Variants in S100Z observed in about 807,000 individuals in gnomAD.
The protein encoded by S100Z is protein S100-Z.
S100Z carries 11 observed loss-of-function variants against 8.5 expected under a neutral mutation model. The ratio of observed to expected loss-of-function variants is 1.30; its 90% CI spans 0.82 to 2.15. The LOEUF (loss-of-function observed/expected upper bound fraction) is 2.15, where lower values mean the gene tolerates loss of function less well. S100Z is among the 30% of genes most tolerant of loss of function. The probability of loss-of-function intolerance (pLI) is 0.00; values close to 1 mark genes in which losing one functional copy is unlikely to be tolerated. For synonymous variants in S100Z, 34 were observed against 43.8 expected (o/e 0.78, Z 0.89); for missense variants, 126 against 117.9 (o/e 1.07, Z -0.32).
chr5:76,880,281 T>C (rs780792173), intron 4 of S100Z, among the ~76,000 whole-genome samples: 88 of 152,366 alleles, frequency 5.8e-4, no homozygotes, highest in Non-Finnish European at 1.1e-3. Context: ...TGGATGTATA[T>C]GTGCAGGTCA....
At chr5:76,908,335 G>C (rs565157820) in intron 4 of S100Z, among the ~76,000 whole-genome samples, 4 of 152,078 alleles carry the variant, frequency 2.6e-5, no homozygotes. Context: ...AAGTCATGTC[G>C]CCCAAGCAAG....
At chr5:76,911,383 C>T (rs564779100) in intron 4 of S100Z, among the ~76,000 whole-genome samples, 2 of 152,322 alleles carry the variant, frequency 1.3e-5, no homozygotes, top group East Asian at 1.9e-4. Flanking sequence ...ATAGCCTGCT[C>T]TCCCAAACAC....
At chr5:76,952,373 CAG>C in the S100Z span, among the ~76,000 whole-genome samples, 2 of 152,224 alleles carry the variant, frequency 1.3e-5, no homozygotes, top group African/African-American at 2.4e-5. Flanking sequence ...GGTCAAGTGA[CAG>C]AGCTCAGCTA....
intron 4 of S100Z, among the ~76,000 whole-genome samples, chr5:76,917,876 C>G (rs1055649960): frequency 2.7e-5 from 4 of 150,464 alleles, no homozygotes; most frequent in African/African-American, 9.8e-5. Context: ...GGTATTGAAC[C>G]TCAATGCCCA....
the S100Z span, among the ~76,000 whole-genome samples, chr5:76,948,054 C>T: frequency 3.9e-5 from 6 of 151,960 alleles, no homozygotes; most frequent in East Asian, 5.8e-4. Context: ...GGCTGGGAGC[C>T]GCGGCTCACA....
At chr5:76,897,159 A>C (rs915531786) in intron 4 of S100Z, among the ~76,000 whole-genome samples, 1 of 152,006 alleles carries the variant, frequency 6.6e-6, no homozygotes. Flanking sequence ...GGTTCATTTA[A>C]ATTTTAGGAT....
intron 4 of S100Z, among the ~76,000 whole-genome samples, chr5:76,904,726 G>A (rs991570868): frequency 2.0e-5 from 3 of 151,532 alleles, no homozygotes; most frequent in East Asian, 1.9e-4. Context: ...TTTTTTTTTG[G>A]TAGAGATGGG....
the S100Z span, among the ~76,000 whole-genome samples, chr5:76,935,431 A>G: frequency 6.6e-6 from 1 of 152,178 alleles, no homozygotes; most frequent in Non-Finnish European, 1.5e-5. Context: ...ACAGACAGGA[A>G]TAGTGTGCTA....
chr5:76,908,267 C>T lies in S100Z; in HGVS notation c.*3-12450C>T, dbSNP rs780970266. 2.0e-5 allele frequency among the ~76,000 whole-genome samples: 3 copies of T among 152,340 alleles called. No individual in the cohort carries two copies. The South Asian group carries it at 6.2e-4, about 32-fold the overall frequency. On this transcript the variant is annotated intron_variant, in intron 4 of 4. Transcript: ENST00000317593. ...AAGGGTCAACGGAGAGGAAGCCATT[C>T]AGCTTCGGGGTCCTGACAACAAGTT...
At chr5:76,897,396 T>C (rs1436798970) in intron 4 of S100Z, among the ~76,000 whole-genome samples, 1 of 151,806 alleles carries the variant, frequency 6.6e-6, no homozygotes, top group African/African-American at 2.4e-5. Context: ...TGAGCCAAGA[T>C]CGTGCCACTG....
chr5:76,875,887 T>C (rs7728753), intron 3 of S100Z, among the ~76,000 whole-genome samples: 3,036 of 152,232 alleles, frequency 0.02, 105 homozygotes, highest in African/African-American at 0.067. Context: ...AGGGGTACTT[T>C]ACCTTCAGAG....
chr5:76,901,192 C>T (rs1744215178), intron 4 of S100Z, among the ~76,000 whole-genome samples: 1 of 152,228 alleles, frequency 6.6e-6, no homozygotes, highest in Non-Finnish European at 1.5e-5. Flanking sequence ...CAGCATAGCA[C>T]TGGATCTCAT....
At chr5:76,875,710 G>A (rs1200176421) in intron 3 of S100Z, among the ~76,000 whole-genome samples, 1 of 152,142 alleles carries the variant, frequency 6.6e-6, no homozygotes, top group Non-Finnish European at 1.5e-5. Context: ...CCTGGGGTTA[G>A]GGTTTCTAAG....
At chr5:76,895,082 G>A (rs1743991234) in intron 4 of S100Z, among the ~76,000 whole-genome samples, 1 of 152,020 alleles carries the variant, frequency 6.6e-6, no homozygotes, top group Admixed American at 6.6e-5. Context: ...AGCCATGCGT[G>A]GCCACTCCCC....
At chr5:76,852,156 C>T (rs1750748869) in intron 1 of S100Z, among the ~76,000 whole-genome samples, 1 of 152,078 alleles carries the variant, frequency 6.6e-6, no homozygotes, top group Admixed American at 6.5e-5. Context: ...CTTGGGAGAG[C>T]ACGGGCTCTC....
At chr5:76,854,536 A>G (rs1169581910) in intron 1 of S100Z, among the ~76,000 whole-genome samples, 1 of 152,234 alleles carries the variant, frequency 6.6e-6, no homozygotes, top group Non-Finnish European at 1.5e-5. Context: ...CTGACAGAAG[A>G]AATTTCTAAG....
chr5:76,899,319 T>G (rs577005891), intron 4 of S100Z, among the ~76,000 whole-genome samples: 1 of 152,280 alleles, frequency 6.6e-6, no homozygotes, highest in South Asian at 2.1e-4. Context: ...GTCTTTTGAT[T>G]AAAGAGTTCA....
chr5:76,899,354 T>C (rs772330740), intron 4 of S100Z, among the ~76,000 whole-genome samples: 37 of 152,228 alleles, frequency 2.4e-4, no homozygotes, highest in Non-Finnish European at 5.0e-4. Flanking sequence ...CATGTTGTTA[T>C]TGCTAAGTAA....
downstream of S100Z, among the ~76,000 whole-genome samples, chr5:76,926,568 T>C (rs748654928): frequency 9.9e-4 from 151 of 152,136 alleles, no homozygotes; most frequent in Non-Finnish European, 2.6e-4. Flanking sequence ...GGTTAGGAGC[T>C]GTGGAACAGG....
Sources: gnomAD v4.1 joint callset for allele counts (sites outside exome capture counted in the v4.1 genomes callset) on GRCh38, gnomAD v4.1.1 for gene constraint, MANE v1.5 for transcripts, NCBI Gene and HGNC (gene_info 2026-07-23, HGNC 2026-07-21) for gene names.